Variants in COLGALT2 observed in about 807,000 individuals in gnomAD.
The protein encoded by COLGALT2 is procollagen galactosyltransferase 2.
In COLGALT2, 49 loss-of-function variants were observed where a neutral mutation model predicts 73.4. The ratio of observed to expected loss-of-function variants is 0.67; its 90% CI spans 0.53 to 0.85. COLGALT2 has a LOEUF of 0.85. COLGALT2 is among the 40% of genes least tolerant of loss of function. COLGALT2 has a pLI of 0.00. For synonymous variants in COLGALT2, 295 were observed against 307.6 expected, an observed-to-expected ratio of 0.96 and a Z score of 0.43; for missense variants, 722 against 790.2, an observed-to-expected ratio of 0.91 and a Z score of 1.03.
rs1271766299 is a variant in COLGALT2 at position 183,938,212 on chromosome 1, A to ATT, written c.*548_*549insAA. 2,622 of 525,354 alleles carry ATT rather than the reference A, an allele frequency of 5.0e-3. 63 individuals are homozygous for ATT. The highest frequency in any genetic ancestry group is 0.046 in the African/African-American group (2,242 of 48,786). The allele number at this position is 525,354 out of a possible 1,614,324, so 32.5% of individuals were successfully genotyped here. ...AGGGACTAAGATTTTTTTTTTTTAA[A>ATT]AAATCTACTTTTCAATAAGACTTGT... On this transcript the variant is annotated 3_prime_UTR_variant, in exon 12 of 12. Transcript: ENST00000361927.
intron 5 of COLGALT2, 72 bp downstream of exon 5, chr1:183,969,197 A>T: frequency 7.5e-7 from 1 of 1,332,688 alleles, no homozygotes; most frequent in Non-Finnish European, 1.0e-6. Context: ...TTTTAATAAA[A>T]TGCACAAAAC....
intron 5 of COLGALT2, among the ~76,000 whole-genome samples, chr1:183,968,137 C>T (rs1670932119): frequency 6.6e-6 from 1 of 152,188 alleles, no homozygotes; most frequent in South Asian, 2.1e-4. Flanking sequence ...CTTTTCCACC[C>T]TCAGTTATAT....
chr1:184,037,677 G>C lies in COLGALT2; in HGVS notation c.-320C>G. On this transcript the variant is annotated 5_prime_UTR_variant, in exon 1 of 12. Coordinates refer to ENST00000361927, the MANE Select transcript of COLGALT2 (RefSeq NM_015101.4). ...TCCTGAGGAAAGTTCCTCTAGTCCAGGTTCCGCTCGTACAGCTGAGGTCTG... is the reference window on the plus strand; with the variant it reads ...TCCTGAGGAAAGTTCCTCTAGTCCACGTTCCGCTCGTACAGCTGAGGTCTG... 9.8e-7 allele frequency: 1 copy of C among 1,017,930 alleles called. No homozygotes were observed. The highest frequency in any genetic ancestry group is 1.2e-6 in the Non-Finnish European group (1 of 851,166). 63.1% of individuals were successfully genotyped at this position (1,017,930 alleles called of 1,614,324 possible).
intron 1 of COLGALT2, among the ~76,000 whole-genome samples, chr1:183,999,663 T>G (rs113388674): frequency 0.026 from 4,019 of 152,184 alleles, 179 homozygotes; most frequent in African/African-American, 0.09. Context: ...GATTTCTTTC[T>G]TCATGAGTCA....
chr1:183,951,134 G>A, intron 7 of COLGALT2, 21 bp from the exon 8 acceptor site: 1 of 1,545,500 alleles, frequency 6.5e-7, no homozygotes, highest in East Asian at 2.2e-5. Flanking sequence ...AAGGAAAAGG[G>A]AAAAGACACA....
rs1052681398 is a variant in COLGALT2 at position 183,945,756 on chromosome 1, A to G, written c.1137-192T>C. 19 of 620,434 alleles carry G rather than the reference A, an allele frequency of 3.1e-5. No individual in the cohort carries two copies. The African/African-American group carries it at 3.5e-4, about 11-fold the overall frequency. 38.4% of individuals were successfully genotyped at this position (620,434 alleles called of 1,614,324 possible). A position where few individuals can be genotyped will look rare whatever the true frequency, so the allele number is the denominator to read the frequency against. The stretch of plus-strand genomic sequence containing the variant: ...GTATTATGAGGTCTGGGAAGACAAG[A>G]GGGTATCATATTTTTGTGTATCCCT... On this transcript the variant is annotated intron_variant, in intron 8 of 11. Transcript: ENST00000361927.
intron 1 of COLGALT2, among the ~76,000 whole-genome samples, chr1:184,017,902 G>A (rs1343773297): frequency 6.6e-6 from 1 of 152,116 alleles, no homozygotes. Flanking sequence ...GTTTCACAGG[G>A]CTGTTGTGAG....
chr1:183,974,839 G>A (rs1346121745), intron 3 of COLGALT2, among the ~76,000 whole-genome samples: 1 of 152,146 alleles, frequency 6.6e-6, no homozygotes, highest in Non-Finnish European at 1.5e-5. Context: ...GAGTTCTTAT[G>A]CCTGTTGCAT....
chr1:183,950,975 A>G, intron 8 of COLGALT2, 32 bp downstream of exon 8: 1 of 1,464,520 alleles, frequency 6.8e-7, no homozygotes, highest in Non-Finnish European at 9.6e-7. Flanking sequence ...CACTCCAATC[A>G]CATCTGCAAT....
intron 7 of COLGALT2, among the ~76,000 whole-genome samples, chr1:183,953,887 G>A (rs1670479838): frequency 6.6e-6 from 1 of 152,154 alleles, no homozygotes; most frequent in Admixed American, 6.5e-5. Flanking sequence ...GTACATATAT[G>A]TATGTATATG....
At chr1:183,954,081 G>C (rs1250813800) in intron 7 of COLGALT2, among the ~76,000 whole-genome samples, 1 of 152,158 alleles carries the variant, frequency 6.6e-6, no homozygotes, top group Non-Finnish European at 1.5e-5. Flanking sequence ...AGCTACAGGG[G>C]ACACCCATGA....
intron 1 of COLGALT2, among the ~76,000 whole-genome samples, chr1:184,007,998 C>T (rs925241667): frequency 6.6e-6 from 1 of 152,140 alleles, no homozygotes; most frequent in Non-Finnish European, 1.5e-5. Context: ...TAACTAAGAA[C>T]TAAAAGTCTA....
chr1:184,016,723 A>C (rs1649012239), intron 1 of COLGALT2, among the ~76,000 whole-genome samples: 1 of 152,200 alleles, frequency 6.6e-6, no homozygotes, highest in Non-Finnish European at 1.5e-5. Flanking sequence ...TATATAAAGT[A>C]ACTATTTGTT....
chr1:184,027,401 G>A, intron 1 of COLGALT2, among the ~76,000 whole-genome samples: 1 of 152,160 alleles, frequency 6.6e-6, no homozygotes, highest in East Asian at 1.9e-4. Context: ...CTAGGACCCC[G>A]CTGTGGACCA....
intron 6 of COLGALT2, among the ~76,000 whole-genome samples, chr1:183,957,427 G>C (rs2102801330): frequency 6.6e-6 from 1 of 152,244 alleles, no homozygotes; most frequent in Non-Finnish European, 1.5e-5. Flanking sequence ...GCTGGGTCCA[G>C]AGTAGCTCAT....
chr1:183,988,029 C>T (rs1179469075), intron 1 of COLGALT2, among the ~76,000 whole-genome samples: 2 of 152,252 alleles, frequency 1.3e-5, no homozygotes, highest in East Asian at 3.9e-4. Flanking sequence ...TCCATCTATC[C>T]ACACATGCTC....
intron 4 of COLGALT2, among the ~76,000 whole-genome samples, chr1:183,970,569 C>T (rs1293018198): frequency 1.3e-5 from 2 of 152,168 alleles, no homozygotes; most frequent in Non-Finnish European, 2.9e-5. Context: ...CTAATGCCGA[C>T]CCCATGATAA....
chr1:183,978,564 T>A lies in COLGALT2; in HGVS notation c.264-44A>T, dbSNP rs1671269008. 3.2e-6 allele frequency: 4 copies of A among 1,241,822 alleles called. No individual in the cohort carries two copies. The East Asian group carries it at 7.2e-5, about 22-fold the overall frequency. 76.9% of individuals were successfully genotyped at this position (1,241,822 alleles called of 1,614,324 possible). ...AATATAGTTTAACTATGTCATCCAATGAAAGAGAGGGAAATCCAAAAGACC... is the reference window on the plus strand; with the variant it reads ...AATATAGTTTAACTATGTCATCCAAAGAAAGAGAGGGAAATCCAAAAGACC... On this transcript the variant is annotated intron_variant, in intron 1 of 11. Coordinates refer to ENST00000361927, the MANE Select transcript of COLGALT2 (RefSeq NM_015101.4).
At chr1:183,980,832 A>T (rs1228638882) in intron 1 of COLGALT2, among the ~76,000 whole-genome samples, 4 of 152,318 alleles carry the variant, frequency 2.6e-5, no homozygotes, top group Middle Eastern at 3.4e-3. Flanking sequence ...ATTAGCAAAC[A>T]GAGTCCAACA....
Sources: gnomAD v4.1 joint callset for allele counts (sites outside exome capture counted in the v4.1 genomes callset) on GRCh38, gnomAD v4.1.1 for gene constraint, MANE v1.5 for transcripts, NCBI Gene and HGNC (gene_info 2026-07-23, HGNC 2026-07-21) for gene names.